CNTN5: variants seen among roughly 807,000 people sequenced by gnomAD.
CNTN5 encodes the protein contactin-5.
Under a neutral mutation model 129.1 loss-of-function variants are expected in CNTN5, and 77 were observed. That is an observed-to-expected ratio of 0.60 (90% CI 0.50 to 0.72). CNTN5 has a LOEUF of 0.72. Among genes scored for constraint, CNTN5 ranks in the 30% least tolerant of loss-of-function variants. The pLI, the probability that CNTN5 is intolerant of heterozygous loss-of-function variation, is 0.00. For missense variants in CNTN5, 1,478 were observed against 1,328.8 expected (o/e 1.11, Z -1.75); for synonymous variants, 509 against 465.6 (o/e 1.09, Z -1.20).
chr11:100,331,176 G>A (rs548615866), intron 21 of CNTN5, among the ~76,000 whole-genome samples: 2 of 152,226 alleles, frequency 1.3e-5, no homozygotes, highest in East Asian at 1.9e-4. Flanking sequence ...GTGAGCAGGA[G>A]TAGATATTCT....
chr11:99,745,111 C>G (rs544060430), intron 3 of CNTN5, among the ~76,000 whole-genome samples: 2 of 152,284 alleles, frequency 1.3e-5, no homozygotes, highest in East Asian at 3.9e-4. Flanking sequence ...TTTTTATTGG[C>G]AGACCTAAAA....
At chr11:99,654,058 G>A (rs1286627291) in intron 3 of CNTN5, among the ~76,000 whole-genome samples, 2 of 152,004 alleles carry the variant, frequency 1.3e-5, no homozygotes, top group Non-Finnish European at 2.9e-5. Context: ...TTACCCTTCA[G>A]TGATGATAAA....
At chr11:99,610,027 T>G (rs1480607009) in intron 3 of CNTN5, among the ~76,000 whole-genome samples, 1 of 152,104 alleles carries the variant, frequency 6.6e-6, no homozygotes, top group Non-Finnish European at 1.5e-5. Context: ...GTTAATCCTT[T>G]TAATACAAAT....
intron 19 of CNTN5, 80 bp from the exon 20 acceptor site, chr11:100,299,082 T>C: frequency 1.1e-6 from 1 of 907,234 alleles, no homozygotes. Context: ...TATCTATAAT[T>C]TTTTTTAATT....
Position 99,564,839 on chromosome 11 carries a change from G to T in CNTN5, c.55+8570G>T, listed in dbSNP as rs546221429. Among the ~76,000 whole-genome samples the T allele has an allele frequency of 1.4e-3, 220 of 152,238 alleles. 2 individuals carry two copies. Among genetic ancestry groups the T allele is most frequent in the African/African-American group, 5.1e-3 (211 of 41,548 alleles). On this transcript the variant is annotated intron_variant, in intron 3 of 24. Coordinates refer to ENST00000524871, the MANE Select transcript of CNTN5 (RefSeq NM_014361.4). ...CAATTTATAAGCAGCTTTCCTGATG[G>T]TTTTCGGCTCTTTGTAAATTCAGTC...
At chr11:99,466,837 A>T (rs1944963667) in intron 2 of CNTN5, among the ~76,000 whole-genome samples, 1 of 152,062 alleles carries the variant, frequency 6.6e-6, no homozygotes, top group East Asian at 1.9e-4. Context: ...ATTTTTTTTT[A>T]AATACGGATT....
intron 1 of CNTN5, among the ~76,000 whole-genome samples, chr11:99,280,016 G>A (rs1863622598): frequency 1.3e-5 from 2 of 151,500 alleles, no homozygotes; most frequent in South Asian, 4.2e-4. Context: ...AAAAAATCAG[G>A]ATATTTTTAA....
At chr11:99,793,802 T>G (rs1197148438) in intron 3 of CNTN5, among the ~76,000 whole-genome samples, 2 of 152,160 alleles carry the variant, frequency 1.3e-5, no homozygotes, top group Admixed American at 1.3e-4. Flanking sequence ...TTTCAATTTA[T>G]AAAAAAATAA....
chr11:99,068,544 T>A (rs1160191851), intron 1 of CNTN5, among the ~76,000 whole-genome samples: 1 of 152,168 alleles, frequency 6.6e-6, no homozygotes, highest in African/African-American at 2.4e-5. Flanking sequence ...GAGCAAAGGA[T>A]GCCCGTGAGA....
chr11:99,933,460 A>G (rs1340337440), intron 7 of CNTN5, among the ~76,000 whole-genome samples: 2 of 152,200 alleles, frequency 1.3e-5, no homozygotes, highest in Non-Finnish European at 2.9e-5. Flanking sequence ...GAACATTTCC[A>G]TCACCACAAG....
chr11:100,173,222 C>G (rs534959172), intron 13 of CNTN5, among the ~76,000 whole-genome samples: 1 of 152,156 alleles, frequency 6.6e-6, no homozygotes, highest in East Asian at 1.9e-4. Flanking sequence ...CATTCCTCAC[C>G]CCTTTACATA....
chr11:99,575,596 T>C (rs999148718), intron 3 of CNTN5, among the ~76,000 whole-genome samples: 8 of 152,186 alleles, frequency 5.3e-5, no homozygotes, highest in Non-Finnish European at 1.5e-5. Flanking sequence ...GATTCTGTTT[T>C]CCAAAGTAAG....
At chr11:99,150,078 C>T (rs1451787813) in intron 1 of CNTN5, among the ~76,000 whole-genome samples, 1 of 151,840 alleles carries the variant, frequency 6.6e-6, no homozygotes, top group African/African-American at 2.4e-5. Context: ...TTTGAATGTC[C>T]ATGTTTTAAA....
At chr11:99,041,674 A>C (rs1458444176) in intron 1 of CNTN5, among the ~76,000 whole-genome samples, 1 of 152,226 alleles carries the variant, frequency 6.6e-6, no homozygotes, top group African/African-American at 2.4e-5. Context: ...AAGTAGCATA[A>C]TAGCAATAAA....
chr11:99,473,569 G>T (rs550478382), intron 2 of CNTN5, among the ~76,000 whole-genome samples: 1 of 150,876 alleles, frequency 6.6e-6, no homozygotes, highest in Non-Finnish European at 1.5e-5. Flanking sequence ...TTTTTCCTGC[G>T]AACACTTACA....
chr11:100,134,165 C>T (rs570934004), intron 13 of CNTN5, among the ~76,000 whole-genome samples: 61 of 152,236 alleles, frequency 4.0e-4, no homozygotes, highest in Non-Finnish European at 8.4e-4. Flanking sequence ...CTCATAGCTG[C>T]TTCTAATAAT....
intron 8 of CNTN5, among the ~76,000 whole-genome samples, chr11:99,975,239 C>T (rs1187667651): frequency 6.6e-6 from 1 of 152,166 alleles, no homozygotes; most frequent in Non-Finnish European, 1.5e-5. Flanking sequence ...CCCCTTGCAG[C>T]AGCATGCTCT....
intron 13 of CNTN5, among the ~76,000 whole-genome samples, chr11:100,133,714 AC>A (rs1946445083): frequency 6.6e-6 from 1 of 151,964 alleles, no homozygotes; most frequent in African/African-American, 2.4e-5. Flanking sequence ...AGTGAGCTTG[AC>A]CCCCTTTACC....
At chr11:99,324,614 T>C (rs1198676872) in intron 1 of CNTN5, among the ~76,000 whole-genome samples, 1 of 152,190 alleles carries the variant, frequency 6.6e-6, no homozygotes, top group Non-Finnish European at 1.5e-5. Context: ...TTTCAGTGTA[T>C]AGAGAATTTC....
Sources: allele counts gnomAD v4.1 joint callset (sites outside exome capture counted in the v4.1 genomes callset), GRCh38; gene constraint gnomAD v4.1.1; transcripts MANE v1.5; gene names NCBI Gene and HGNC (gene_info 2026-07-23, HGNC 2026-07-21).